The following SIAE variants were observed in gnomAD, a reference collection of about 807,000 sequenced individuals.
The protein encoded by SIAE is sialic acid acetylesterase.
Under a neutral mutation model 52.6 loss-of-function variants are expected in SIAE, and 39 were observed. That is an observed-to-expected ratio of 0.74 (90% confidence interval 0.57 to 0.97). The LOEUF (loss-of-function observed/expected upper bound fraction) is 0.97. SIAE is among the 50% of genes least tolerant of loss of function. The pLI is 0.00. For missense variants in SIAE, 592 were observed against 662.1 expected, an observed-to-expected ratio of 0.89 and a Z score of 1.16; for synonymous variants, 233 against 241.4, an observed-to-expected ratio of 0.97 and a Z score of 0.32.
In SIAE at chr11:124,636,794, C is replaced by A; in HGVS notation, c.*157G>T. On this transcript the variant is annotated 3_prime_UTR_variant, in exon 10 of 10. Transcript: ENST00000263593. Reference sequence around the variant, plus strand: ...ATTTCAAGTTACCTATAAGCCTGGGCTCATCAGAATATAGAAACAGCCATG... The same window carrying A: ...ATTTCAAGTTACCTATAAGCCTGGGATCATCAGAATATAGAAACAGCCATG... 9.5e-7 allele frequency: 1 copy of A among 1,058,170 alleles called. No individual in the cohort carries two copies. The highest frequency in any genetic ancestry group is 1.6e-5 in the African/African-American group (1 of 63,112). 65.5% of individuals were successfully genotyped at this position (1,058,170 alleles called of 1,614,324 possible). A position where few individuals can be genotyped will look rare whatever the true frequency, so the allele number is the denominator to read the frequency against.
chr11:124,649,729 A>C lies in SIAE; in HGVS notation c.612T>G (p.Tyr204Ter), dbSNP rs201764897. The change falls in exon 5 of 10, where the codon TAT becomes TAG. Residue 204 changes from tyrosine (Y) to a stop codon, truncating the protein, a stop_gained. Coordinates refer to ENST00000263593, the MANE Select transcript of SIAE (RefSeq NM_170601.5). LOFTEE classifies it high-confidence loss of function. ...GCCCGATGGGATACTGCAGAGTGTCATAAAGGTGACGTCCAAAGAGCCAGC... is the reference window on the plus strand; with the variant it reads ...GCCCGATGGGATACTGCAGAGTGTCCTAAAGGTGACGTCCAAAGAGCCAGC... ...AVCWLFGRHL[Y>*]DTLQYPIGLI... 6.2e-7 allele frequency: 1 copy of C among 1,614,222 alleles called. No individual in the cohort carries two copies. Among genetic ancestry groups the C allele is most frequent in the African/African-American group, 1.3e-5 (1 of 75,058 alleles).
At position 124,669,415 on chromosome 11, in the gene SIAE, G is replaced by A. The variant is rs148880619; in HGVS notation, c.174C>T (p.Thr58=). Residue 58 remains threonine (T), a synonymous_variant, in exon 2 of 10, where the codon ACC becomes ACT. Transcript: ENST00000263593. ...WGFGTPGATV[T]VTLRQGQETI... ...TTTCCTGACCTTGGCGCAGGGTCAC[G>A]GTCACTGTGGCTCCAGGTGTACCGA... is the stretch of plus-strand genomic sequence containing the variant. 6.1e-5 allele frequency: 98 copies of A among 1,614,192 alleles called. No individual in the cohort carries two copies. The African/African-American group carries it at 1.1e-3, about 18-fold the overall frequency.
intron 7 of SIAE, among the ~76,000 whole-genome samples, chr11:124,646,107 T>C (rs1382758582): frequency 6.6e-6 from 1 of 152,206 alleles, no homozygotes; most frequent in Non-Finnish European, 1.5e-5. Context: ...AAACCAGCAC[T>C]ACCACCGTGC....
chr11:124,643,097 G>A (rs1942874553), intron 7 of SIAE, among the ~76,000 whole-genome samples: 1 of 152,168 alleles, frequency 6.6e-6, no homozygotes, highest in South Asian at 2.1e-4. Flanking sequence ...GTGTTGTATT[G>A]TTTTAAGCTG....
chr11:124,637,069 C>T lies in SIAE; in HGVS notation c.1454G>A (p.Trp485Ter). 6.2e-7 allele frequency: 1 copy of T among 1,614,132 alleles called. No individual in the cohort carries two copies. The highest frequency in any genetic ancestry group is 8.5e-7 in the Non-Finnish European group (1 of 1,180,036). ...VVALRYAWTT[W>*]PCEYKQCPLY... is the part of the protein sequence containing the mutation. Reference sequence around the variant, plus strand: ...GGGACACTGCTTATATTCACAAGGCCACGTGGTCCAAGCATAGCGGAGAGC... The same window carrying T: ...GGGACACTGCTTATATTCACAAGGCTACGTGGTCCAAGCATAGCGGAGAGC... Residue 485 changes from tryptophan to a stop codon, truncating the protein, a stop_gained, in exon 10 of 10, where the codon TGG becomes TAG. Coordinates refer to ENST00000263593, the MANE Select transcript of SIAE (RefSeq NM_170601.5). LOFTEE classifies it low-confidence loss of function (END_TRUNC).
At chr11:124,666,337 A>G (rs960528296) in intron 2 of SIAE, among the ~76,000 whole-genome samples, 1 of 152,132 alleles carries the variant, frequency 6.6e-6, no homozygotes, top group Non-Finnish European at 1.5e-5. Flanking sequence ...CCACCCTCCA[A>G]TATTCTCTGT....
At chr11:124,649,945 G>T in intron 4 of SIAE, 149 bp from the exon 5 acceptor site, 1 of 745,820 alleles carries the variant, frequency 1.3e-6, no homozygotes, top group Non-Finnish European at 2.3e-6. Context: ...AAGATTGAGA[G>T]GCACAGAGAA....
rs1163215759 is a variant in SIAE, at chr11:124,634,483, A to G, written c.*2468T>C. 2 of 152,162 alleles carry G rather than the reference A, an allele frequency of 1.3e-5. No individual in the cohort carries two copies. Among genetic ancestry groups the G allele is most frequent in the Non-Finnish European group, 1.5e-5 (1 of 68,030 alleles). The allele number at this position is 152,162 out of a possible 1,614,324, so 9.4% of individuals were successfully genotyped here. ...GCAAAAAAAGGACTACCTTGGTGAGAATGTAAGTTGTTTAATCCTTTGGGA... is the reference window on the plus strand; with the variant it reads ...GCAAAAAAAGGACTACCTTGGTGAGGATGTAAGTTGTTTAATCCTTTGGGA... On this transcript the variant is annotated 3_prime_UTR_variant, in exon 10 of 10. Transcript: ENST00000263593.
At chr11:124,653,925 TC>T (rs1943055043) in intron 4 of SIAE, among the ~76,000 whole-genome samples, 1 of 152,154 alleles carries the variant, frequency 6.6e-6, no homozygotes. Context: ...ACGCCTGTAA[TC>T]CCAGCACTTT....
chr11:124,656,038 G>C (rs1023424082), intron 3 of SIAE, among the ~76,000 whole-genome samples: 1 of 151,972 alleles, frequency 6.6e-6, no homozygotes, highest in Non-Finnish European at 1.5e-5. Flanking sequence ...TTACCTTCAG[G>C]CTATGTGCAT....
Position 124,654,665 on chromosome 11 carries a change from C to A in SIAE, c.534G>T (p.Lys178Asn). The change falls in exon 4 of 10, where the codon AAG (lysine) becomes AAT (asparagine). Residue 178 changes from lysine to asparagine, a missense_variant. Physicochemically the swap from Lys to Asn is moderately conservative, Grantham distance 94. Transcript: ENST00000263593. ...CAAGCCGTCACATACCTGAGGTGGG[C>A]TTAGACCACTGCAAGTCAACCGCAA... is the stretch of plus-strand genomic sequence containing the variant. ...DLVAVDLQWS[K>N]PTSENLGHGY... 6.2e-7 allele frequency: 1 copy of A among 1,614,150 alleles called. No individual in the cohort carries two copies. The highest frequency in any genetic ancestry group is 8.5e-7 in the Non-Finnish European group (1 of 1,180,000).
At chr11:124,655,170 T>A in intron 3 of SIAE, among the ~76,000 whole-genome samples, 1 of 141,688 alleles carries the variant, frequency 7.1e-6, no homozygotes, top group Middle Eastern at 3.4e-3. Context: ...CCAATTAACT[T>A]CTTCTTTTTT....
intron 4 of SIAE, among the ~76,000 whole-genome samples, chr11:124,652,235 G>C (rs1335055386): frequency 6.6e-6 from 1 of 152,150 alleles, no homozygotes; most frequent in East Asian, 1.9e-4. Context: ...GGAACCTGTG[G>C]CTGTGTTACC....
At chr11:124,658,244 A>G (rs1187159160) in intron 3 of SIAE, among the ~76,000 whole-genome samples, 1 of 128,206 alleles carries the variant, frequency 7.8e-6, no homozygotes, top group East Asian at 1.9e-4. Context: ...GTCTGTGCAC[A>G]CACACACACA....
rs112953750 is a variant in SIAE, at chr11:124,648,163, G to A, written c.735C>T (p.Tyr245=). ...CGVPKQGSIP[Y]DSVTGPSKHS... Reference sequence around the variant, plus strand: ...GCTTACTGGGACCAGTTACAGAATCGTATGGAATGGACCTGAAATCATATG... The same window carrying A: ...GCTTACTGGGACCAGTTACAGAATCATATGGAATGGACCTGAAATCATATG... Residue 245 remains tyrosine (Y), a synonymous_variant, in exon 6 of 10, where the codon TAC becomes TAT. Transcript: ENST00000263593. 26 of 1,613,284 alleles carry A rather than the reference G, an allele frequency of 1.6e-5. No individual in the cohort carries two copies. The highest frequency in any genetic ancestry group is 1.6e-4 in the Middle Eastern group (1 of 6,062).
At chr11:124,638,792 AT>A (rs542353138) in intron 8 of SIAE, 55 bp from the exon 9 acceptor site, 4 of 1,425,418 alleles carry the variant, frequency 2.8e-6, no homozygotes, top group East Asian at 4.6e-5. Flanking sequence ...CAATCACCAC[AT>A]TTTTTTAAAA....
At chr11:124,673,883 A>G, upstream of SIAE, 2 of 653,182 alleles carry the variant, frequency 3.1e-6, no homozygotes. Context: ...TTTTTTTTTA[A>G]AGAAAAAACG....
chr11:124,639,718 A>G lies in SIAE; in HGVS notation c.1116T>C (p.Pro372=). 1 of 1,614,088 alleles carries G rather than the reference A, an allele frequency of 6.2e-7. No homozygotes were observed. The highest frequency in any genetic ancestry group is 8.5e-7 in the Non-Finnish European group (1 of 1,179,938). The part of the protein sequence containing the change: ...VAMDLCDRDS[P]FGSIHPRDKQ... Reference sequence around the variant, plus strand: ...CCAAGAAGCAATCATACCTGCCAAAAGGCGAGTCTCTATCACAGAGATCCA... The same window carrying G: ...CCAAGAAGCAATCATACCTGCCAAAGGGCGAGTCTCTATCACAGAGATCCA... The change falls in exon 8 of 10, where the codon CCT becomes CCC. Residue 372 remains proline, a synonymous_variant. Transcript: ENST00000263593.
chr11:124,670,313 T>C lies in SIAE; in HGVS notation c.68-792A>G, dbSNP rs1358275101. 6.6e-6 allele frequency among the ~76,000 whole-genome samples: 1 copy of C among 152,218 alleles called. No homozygotes were observed. Among genetic ancestry groups the C allele is most frequent in the Non-Finnish European group, 1.5e-5 (1 of 68,040 alleles). ...AAAGCACACTAGAAACTGGATTCTA[T>C]TCTAGAGAGTCACTAACAAGACTGA... On this transcript the variant is annotated intron_variant, in intron 1 of 9. Transcript: ENST00000263593. The surrounding 1 kb of genome is among the most constrained non-coding windows in gnomAD (Gnocchi z 4.5).
Sources: gnomAD v4.1 joint callset for allele counts (sites outside exome capture counted in the v4.1 genomes callset) on GRCh38, gnomAD v4.1.1 for gene constraint, Gnocchi (gnomAD v3.1) non-coding constraint, MANE v1.5 for transcripts, NCBI Gene and HGNC (gene_info 2026-07-23, HGNC 2026-07-21) for gene names.